NEIL3: variants seen among roughly 807,000 people sequenced by gnomAD.
NEIL3 encodes the protein endonuclease 8-like 3.
In NEIL3, 48 loss-of-function variants were observed where a neutral mutation model predicts 57.5. The observed-to-expected ratio is 0.83, with a 90% CI of 0.66 to 1.06. NEIL3 has a LOEUF of 1.06. NEIL3 is among the 50% of genes least tolerant of loss of function. NEIL3 has a pLI of 0.00. For synonymous variants in NEIL3, 261 were observed against 253.2 expected, an observed-to-expected ratio of 1.03 and a Z score of -0.29; for missense variants, 717 against 739.1, an observed-to-expected ratio of 0.97 and a Z score of 0.35.
the NEIL3 span, among the ~76,000 whole-genome samples, chr4:177,369,682 CT>C: frequency 6.6e-6 from 1 of 152,276 alleles, no homozygotes; most frequent in African/African-American, 2.4e-5. Flanking sequence ...TGGAGTCAGA[CT>C]GCCGGTCCCA....
rs1735591848 is a variant in NEIL3, at chr4:177,360,697, A to G, written c.1635+20A>G. ...TTTGAAGTATGTGTAAGATTTATCT[A>G]GCTTACTAAAATGTAATTAAATGCT... On this transcript the variant is annotated intron_variant, in intron 9 of 9. Transcript: ENST00000264596. The G allele has an allele frequency of 6.4e-7, 1 of 1,552,416 alleles. No homozygotes were observed. The highest frequency in any genetic ancestry group is 8.8e-7 in the Non-Finnish European group (1 of 1,139,946).
At chr4:177,358,644 A>G (rs1735539473) in intron 8 of NEIL3, among the ~76,000 whole-genome samples, 1 of 152,086 alleles carries the variant, frequency 6.6e-6, no homozygotes, top group African/African-American at 2.4e-5. Context: ...AAGGGAAGAA[A>G]TGGAGTGGAA....
chr4:177,342,677 C>A (rs1735120564), intron 6 of NEIL3, among the ~76,000 whole-genome samples: 1 of 152,104 alleles, frequency 6.6e-6, no homozygotes, highest in South Asian at 2.1e-4. Context: ...AAAAAAGTAT[C>A]ATTTGAAATT....
intron 1 of NEIL3, among the ~76,000 whole-genome samples, chr4:177,321,825 T>A (rs1734691530): frequency 1.3e-5 from 2 of 151,806 alleles, no homozygotes; most frequent in Non-Finnish European, 2.9e-5. Flanking sequence ...TCACAAGATG[T>A]GAAAATTGAA....
At chr4:177,318,540 G>C (rs1420652446) in intron 1 of NEIL3, among the ~76,000 whole-genome samples, 1 of 152,184 alleles carries the variant, frequency 6.6e-6, no homozygotes. Flanking sequence ...AGAACTGATA[G>C]AGTAAAATCA....
intron 8 of NEIL3, chr4:177,354,018 C>T (rs1029654194): frequency 3.1e-5 from 9 of 286,290 alleles, no homozygotes; most frequent in East Asian, 1.7e-4. Context: ...TGCCCACCTC[C>T]GCCTCTCAAG....
At chr4:177,315,248 T>C (rs6850861) in intron 1 of NEIL3, among the ~76,000 whole-genome samples, 26,089 of 152,046 alleles carry the variant, frequency 0.17, 4,448 homozygotes, top group African/African-American at 0.43. Context: ...AGTTTGTCTT[T>C]CTTGTCCATC....
At chr4:177,361,265 T>G (rs1735603146) in intron 9 of NEIL3, among the ~76,000 whole-genome samples, 1 of 152,180 alleles carries the variant, frequency 6.6e-6, no homozygotes, top group South Asian at 2.1e-4. Flanking sequence ...GTCCGTTTAG[T>G]CAGTCTCACT....
At chr4:177,324,062 T>C (rs2111119099) in intron 2 of NEIL3, among the ~76,000 whole-genome samples, 1 of 152,264 alleles carries the variant, frequency 6.6e-6, no homozygotes, top group African/African-American at 2.4e-5. Flanking sequence ...AATCTGAACC[T>C]AAAATCATTT....
intron 6 of NEIL3, among the ~76,000 whole-genome samples, chr4:177,346,458 C>T (rs183134731): frequency 1.8e-3 from 277 of 152,290 alleles, no homozygotes; most frequent in Middle Eastern, 3.4e-3. Flanking sequence ...CATAAGCCAC[C>T]GTGCCAGCCG....
chr4:177,354,062 C>T (rs1403233635), intron 8 of NEIL3: 1 of 222,344 alleles, frequency 4.5e-6, no homozygotes, highest in Non-Finnish European at 8.8e-6. Context: ...CCACCATGCC[C>T]GGCTGGTTGC....
chr4:177,346,168 A>C (rs758521449), intron 6 of NEIL3, among the ~76,000 whole-genome samples: 31 of 151,954 alleles, frequency 2.0e-4, no homozygotes, highest in Admixed American at 6.6e-4. Context: ...TCTCTAATTC[A>C]GTTGAATTAT....
At chr4:177,312,053 G>A (rs1437808594) in intron 1 of NEIL3, among the ~76,000 whole-genome samples, 3 of 152,114 alleles carry the variant, frequency 2.0e-5, no homozygotes, top group Non-Finnish European at 4.4e-5. Flanking sequence ...TCACCTCATT[G>A]GTATTTAGGA....
At chr4:177,370,962 G>A in the NEIL3 span, among the ~76,000 whole-genome samples, 94 of 152,060 alleles carry the variant, frequency 6.2e-4, 2 homozygotes, top group Admixed American at 6.0e-3. Flanking sequence ...CTCTGACTGC[G>A]AATAGAAAGG....
chr4:177,329,844 A>T (rs1405160353), intron 2 of NEIL3, among the ~76,000 whole-genome samples: 1 of 152,216 alleles, frequency 6.6e-6, no homozygotes, highest in South Asian at 2.1e-4. Context: ...AAGTATTGAT[A>T]TCATGGAAGA....
chr4:177,365,579 A>G (rs530409023), downstream of NEIL3, among the ~76,000 whole-genome samples: 2 of 152,306 alleles, frequency 1.3e-5, no homozygotes, highest in East Asian at 3.9e-4. Flanking sequence ...CTCTGACTGC[A>G]GTGTGGAGGG....
downstream of NEIL3, among the ~76,000 whole-genome samples, chr4:177,366,450 G>C (rs550714044): frequency 6.6e-6 from 1 of 152,290 alleles, no homozygotes; most frequent in African/African-American, 2.4e-5. Context: ...CCAGGCTGTA[G>C]TGCAGTGGCA....
chr4:177,345,428 A>G (rs1349439310), intron 6 of NEIL3, among the ~76,000 whole-genome samples: 2 of 151,710 alleles, frequency 1.3e-5, no homozygotes, highest in African/African-American at 4.8e-5. Context: ...GTTGGTTGCC[A>G]GTCAATGAGA....
At chr4:177,342,131 C>G (rs780601301) in intron 6 of NEIL3, among the ~76,000 whole-genome samples, 1 of 152,128 alleles carries the variant, frequency 6.6e-6, no homozygotes, top group Non-Finnish European at 1.5e-5. Context: ...GAGAAATAAC[C>G]GCAGGATAGG....
Sources: gnomAD v4.1 joint callset for allele counts (sites outside exome capture counted in the v4.1 genomes callset) on GRCh38, gnomAD v4.1.1 for gene constraint, MANE v1.5 for transcripts, NCBI Gene and HGNC (gene_info 2026-07-23, HGNC 2026-07-21) for gene names.